DSCAM: variants seen among roughly 807,000 people sequenced by gnomAD.
DSCAM encodes cell adhesion molecule DSCAM.
DSCAM carries 47 observed loss-of-function variants against 217.7 expected under a neutral mutation model. That is an observed-to-expected ratio of 0.22 (90% CI 0.17 to 0.28). The LOEUF (loss-of-function observed/expected upper bound fraction) is 0.28. DSCAM is among the 10% of genes least tolerant of loss of function. The pLI, the probability that DSCAM is intolerant of heterozygous loss-of-function variation, is 1.00. For missense variants in DSCAM, 2,080 were observed against 2,618.3 expected, an observed-to-expected ratio of 0.79 and a Z score of 4.49; for synonymous variants, 1,056 against 1,015.3, an observed-to-expected ratio of 1.04 and a Z score of -0.76.
intron 3 of DSCAM, among the ~76,000 whole-genome samples, chr21:40,392,771 C>T (rs1569101658): frequency 6.6e-6 from 1 of 152,072 alleles, no homozygotes; most frequent in Non-Finnish European, 1.5e-5. Flanking sequence ...GACCAAAGAG[C>T]AGTAGTACAG....
intron 3 of DSCAM, among the ~76,000 whole-genome samples, chr21:40,610,778 A>G (rs1198918531): frequency 6.6e-6 from 1 of 152,246 alleles, no homozygotes; most frequent in African/African-American, 2.4e-5. Flanking sequence ...GATGAGACCT[A>G]TGCAAGGTCC....
At chr21:40,482,004 A>C (rs1488873561) in intron 3 of DSCAM, among the ~76,000 whole-genome samples, 1 of 152,214 alleles carries the variant, frequency 6.6e-6, no homozygotes, top group Non-Finnish European at 1.5e-5. Flanking sequence ...TGAAACCAGA[A>C]ATCTCAGAAG....
chr21:40,105,921 T>C (rs980780719), intron 20 of DSCAM, among the ~76,000 whole-genome samples: 2 of 152,246 alleles, frequency 1.3e-5, no homozygotes, highest in South Asian at 2.1e-4. Flanking sequence ...TGATTGAGTA[T>C]GTTGAACCAA....
At chr21:40,031,257 T>C (rs4818110) in intron 32 of DSCAM, among the ~76,000 whole-genome samples, 10 of 151,872 alleles carry the variant, frequency 6.6e-5, no homozygotes, top group Non-Finnish European at 1.3e-4. Context: ...TAGAGGCCTC[T>C]TTGTCCCTGC....
chr21:40,430,116 C>G (rs922295856), intron 3 of DSCAM, among the ~76,000 whole-genome samples: 2 of 152,202 alleles, frequency 1.3e-5, no homozygotes, highest in African/African-American at 4.8e-5. Context: ...TAAAATCCAG[C>G]ACTCTGCACA....
chr21:40,591,278 C>T (rs977676264), intron 3 of DSCAM, among the ~76,000 whole-genome samples: 3 of 152,174 alleles, frequency 2.0e-5, no homozygotes, highest in African/African-American at 7.2e-5. Context: ...ATTACCCAGT[C>T]TGGAAACAGA....
At chr21:40,068,484 G>A (rs79644990) in intron 27 of DSCAM, among the ~76,000 whole-genome samples, 3 of 151,956 alleles carry the variant, frequency 2.0e-5, no homozygotes, top group Non-Finnish European at 2.9e-5. Flanking sequence ...AAGGCTGAAG[G>A]GTAGTGAATA....
intron 3 of DSCAM, among the ~76,000 whole-genome samples, chr21:40,423,145 A>G (rs920901346): frequency 2.0e-5 from 3 of 152,206 alleles, no homozygotes; most frequent in African/African-American, 7.2e-5. Context: ...CATAGAAGGT[A>G]TCGCCTGGGT....
chr21:40,268,481 A>G (rs1476586196), intron 11 of DSCAM, among the ~76,000 whole-genome samples: 2 of 152,204 alleles, frequency 1.3e-5, no homozygotes, highest in African/African-American at 2.4e-5. Context: ...GGGGAAGGCC[A>G]TGGAACAGAA....
intron 3 of DSCAM, among the ~76,000 whole-genome samples, chr21:40,544,290 G>A (rs931139121): frequency 6.6e-6 from 1 of 152,270 alleles, no homozygotes; most frequent in African/African-American, 2.4e-5. Context: ...TGTCACATCG[G>A]AAACTTCACA....
intron 3 of DSCAM, among the ~76,000 whole-genome samples, chr21:40,645,917 A>G (rs969023960): frequency 6.6e-6 from 1 of 152,236 alleles, no homozygotes; most frequent in Non-Finnish European, 1.5e-5. Context: ...ATAAAATACA[A>G]TGGGTGCAGA....
At chr21:40,721,991 G>A (rs1375365619) in intron 1 of DSCAM, among the ~76,000 whole-genome samples, 3 of 152,024 alleles carry the variant, frequency 2.0e-5, no homozygotes, top group Admixed American at 6.5e-5. Flanking sequence ...CAGAAACAAC[G>A]CAAAACAGAA....
intron 1 of DSCAM, among the ~76,000 whole-genome samples, chr21:40,825,588 G>T (rs1331215489): frequency 6.6e-6 from 1 of 152,086 alleles, no homozygotes; most frequent in East Asian, 1.9e-4. Flanking sequence ...AAAATGCTGG[G>T]TTACAGGCAT....
chr21:40,363,948 T>G (rs369699035), intron 4 of DSCAM, among the ~76,000 whole-genome samples: 2 of 152,094 alleles, frequency 1.3e-5, no homozygotes, highest in Non-Finnish European at 2.9e-5. Context: ...CACTGGCCAT[T>G]AGAGAAATGC....
intron 1 of DSCAM, among the ~76,000 whole-genome samples, chr21:40,747,609 TAAATTCTACCA>T (rs1258212659): frequency 6.6e-6 from 1 of 151,888 alleles, no homozygotes; most frequent in Admixed American, 6.6e-5. Context: ...GTATCACTGA[TAAATTCTACCA>T]AACATTTAAA....
At chr21:40,799,088 G>C (rs544337199) in intron 1 of DSCAM, among the ~76,000 whole-genome samples, 14 of 152,218 alleles carry the variant, frequency 9.2e-5, no homozygotes, top group Admixed American at 2.0e-4. Flanking sequence ...TGGTATTGAG[G>C]TGTGTAAAGA....
intron 1 of DSCAM, among the ~76,000 whole-genome samples, chr21:40,834,581 C>A (rs1009175161): frequency 6.6e-6 from 1 of 151,948 alleles, no homozygotes; most frequent in South Asian, 2.1e-4. Flanking sequence ...AAATACCAGC[C>A]TCCTCCATCA....
At chr21:40,630,491 G>A (rs942185701) in intron 3 of DSCAM, among the ~76,000 whole-genome samples, 1 of 152,128 alleles carries the variant, frequency 6.6e-6, no homozygotes, top group Non-Finnish European at 1.5e-5. Context: ...TAAAGACAGG[G>A]TTTCACCATG....
chr21:40,300,888 G>T (rs2074007420), intron 9 of DSCAM, among the ~76,000 whole-genome samples: 1 of 152,200 alleles, frequency 6.6e-6, no homozygotes, highest in Admixed American at 6.5e-5. Flanking sequence ...CTGGTACAGA[G>T]ACCACACTTC....
Sources: gnomAD v4.1 joint callset for allele counts (sites outside exome capture counted in the v4.1 genomes callset) on GRCh38, gnomAD v4.1.1 for gene constraint, MANE v1.5 for transcripts, NCBI Gene and HGNC (gene_info 2026-07-23, HGNC 2026-07-21) for gene names.